RFC2: variants seen among roughly 807,000 people sequenced by gnomAD.
RFC2 encodes the protein replication factor C subunit 2.
In RFC2, 34 loss-of-function variants were observed where a neutral mutation model predicts 44.8. The observed-to-expected ratio is 0.76, with a 90% confidence interval of 0.58 to 1.01. The LOEUF is 1.01. Ranked by LOEUF, RFC2 falls within the 50% of genes least tolerant of loss-of-function variation. The pLI, the probability that RFC2 is intolerant of heterozygous loss-of-function variation, is 0.00. For missense variants in RFC2, 400 were observed against 453.6 expected (o/e 0.88, Z 1.07); for synonymous variants, 177 against 168.9 (o/e 1.05, Z -0.37).
intron 5 of RFC2, among the ~76,000 whole-genome samples, chr7:74,243,563 C>A (rs911862200): frequency 3.3e-5 from 5 of 151,872 alleles, no homozygotes; most frequent in Non-Finnish European, 7.4e-5. Flanking sequence ...GGAGAACAAT[C>A]ATGACACCAG....
Position 74,235,616 on chromosome 7 carries a change from G to T in RFC2, c.870C>A (p.Tyr290Ter). ...TGTTGCCAATGATATCTTCTGGTGAGTAGCCCAGATGCCACAAGTGAGCAA... is the reference window on the plus strand; with the variant it reads ...TGTTGCCAATGATATCTTCTGGTGATTAGCCCAGATGCCACAAGTGAGCAA... ...KILAHLWHLG[Y>*]SPEDIIGNIF... Residue 290 changes from tyrosine to a stop codon, truncating the protein, a stop_gained, in exon 10 of 11, where the codon TAC (tyrosine) becomes TAA (stop). Transcript: ENST00000055077. LOFTEE classifies it high-confidence loss of function. The T allele has an allele frequency of 6.2e-7, 1 of 1,613,264 alleles. No individual in the cohort carries two copies. The highest frequency in any genetic ancestry group is 8.5e-7 in the Non-Finnish European group (1 of 1,179,186).
intron 3 of RFC2, 153 bp from the exon 4 acceptor site, chr7:74,249,271 T>C (rs982628443): frequency 2.1e-6 from 3 of 1,408,680 alleles, no homozygotes; most frequent in East Asian, 5.1e-5. Context: ...CCGGAGACAG[T>C]GGCTCACACC....
rs202063031 is a variant in RFC2, at chr7:74,238,182, A to C, written c.760-740T>G. ...CCTAAGTGGCCTCGAAAATGCATTC[A>C]CTGCCCAGATCTACCCAGATGCTTC... On this transcript the variant is annotated intron_variant, in intron 8 of 10. Coordinates refer to ENST00000055077, the MANE Select transcript of RFC2 (RefSeq NM_181471.3). This position sits in a 1 kb window ranked among gnomAD's most constrained non-coding sequence, Gnocchi z 4.0. Among the ~76,000 whole-genome samples, 5 of 151,884 alleles carry C rather than the reference A, an allele frequency of 3.3e-5. No homozygotes were observed. Among genetic ancestry groups the C allele is most frequent in the African/African-American group, 1.2e-4 (5 of 41,354 alleles).
Position 74,235,529 on chromosome 7 carries a change from G to A in RFC2, c.954+3C>T, listed in dbSNP as rs369383698. ...ACAGAGGCATTTCTACATTCTCACC[G>A]ACCTTGATAAACTCCAGTTTCAGGT... On this transcript the variant is annotated splice_donor_region_variant and intron_variant, in intron 10 of 10. Coordinates refer to ENST00000055077, the MANE Select transcript of RFC2 (RefSeq NM_181471.3). 50 of 1,558,796 alleles carry A rather than the reference G, an allele frequency of 3.2e-5. No homozygotes were observed. The African/African-American group carries it at 4.9e-4, about 15-fold the overall frequency.
chr7:74,232,096 A>G lies in RFC2; in HGVS notation c.*10T>C. ...AGGGCACCTGTAAGTCAGTCAGTGA[A>G]GTCTCTGCTCTAACTGGCCACCGGG... On this transcript the variant is annotated 3_prime_UTR_variant, in exon 11 of 11. Coordinates refer to ENST00000055077, the MANE Select transcript of RFC2 (RefSeq NM_181471.3). The G allele has an allele frequency of 1.3e-6, 2 of 1,528,286 alleles. No individual in the cohort carries two copies. The highest frequency in any genetic ancestry group is 1.7e-4 in the Middle Eastern group (1 of 5,884). 94.7% of individuals were successfully genotyped at this position (1,528,286 alleles called of 1,614,324 possible). A position where few individuals can be genotyped will look rare whatever the true frequency, so the allele number is the denominator to read the frequency against.
rs377219186 is a variant in RFC2, at chr7:74,240,107, C to T, written c.536-12G>A. The T allele has an allele frequency of 6.7e-5, 108 of 1,612,212 alleles. No individual in the cohort carries two copies. The highest frequency in any genetic ancestry group is 3.3e-4 in the Middle Eastern group (2 of 6,076). On this transcript the variant is annotated splice_polypyrimidine_tract_variant and intron_variant, in intron 6 of 10. Transcript: ENST00000055077. ...GGACTGAATGGGCTCTGAACAGAGA[C>T]GGGACAGTAGTGAGGCTTCCCTGCA...
intron 4 of RFC2, 106 bp from the exon 5 acceptor site, chr7:74,246,869 C>T: frequency 1.7e-6 from 1 of 580,934 alleles, no homozygotes; most frequent in African/African-American, 1.9e-5. Context: ...GCCCAATTTC[C>T]ATTTTTGAGT....
In RFC2 at chr7:74,249,035, C is replaced by T; in HGVS notation, c.309G>A (p.Leu103=). 3 of 1,613,748 alleles carry T rather than the reference C, an allele frequency of 1.9e-6. No homozygotes were observed. Among genetic ancestry groups the T allele is most frequent in the East Asian group, 2.2e-5 (1 of 44,872 alleles). ...LLGPALKDAM[L]ELNASNDRGI... is the part of the protein sequence containing the mutation. ...ACCTGTCATTTGAAGCATTGAGTTCCAACATGGCATCTTTGAGTGCTGGGC... is the reference window on the plus strand; with the variant it reads ...ACCTGTCATTTGAAGCATTGAGTTCTAACATGGCATCTTTGAGTGCTGGGC... The change falls in exon 4 of 11, where the codon TTG becomes TTA. Residue 103 remains leucine, a synonymous_variant. Coordinates refer to ENST00000055077, the MANE Select transcript of RFC2 (RefSeq NM_181471.3).
At position 74,239,881 on chromosome 7, in the gene RFC2, T is replaced by C; in HGVS notation, c.693+57A>G. 7.5e-6 allele frequency: 11 copies of C among 1,457,770 alleles called. No individual in the cohort carries two copies. In the South Asian group the frequency reaches 1.2e-4, roughly 15 times the overall value. 90.3% of individuals were successfully genotyped at this position (1,457,770 alleles called of 1,614,324 possible). ...GCTGTCACTTCCCTCCCCTTCCCCATGGAAGGGGCATGGCAGGCACAGGAT... is the reference window on the plus strand; with the variant it reads ...GCTGTCACTTCCCTCCCCTTCCCCACGGAAGGGGCATGGCAGGCACAGGAT... On this transcript the variant is annotated intron_variant, in intron 7 of 10. Coordinates refer to ENST00000055077, the MANE Select transcript of RFC2 (RefSeq NM_181471.3).
chr7:74,248,604 C>A lies in RFC2; in HGVS notation c.332+408G>T, dbSNP rs529053120. Among the ~76,000 whole-genome samples, 3 of 151,950 alleles carry A rather than the reference C, an allele frequency of 2.0e-5. No individual in the cohort carries two copies. In the East Asian group the frequency reaches 5.8e-4, roughly 29 times the overall value. On this transcript the variant is annotated intron_variant, in intron 4 of 10. Transcript: ENST00000055077. Reference sequence around the variant, plus strand: ...GTAACCTCCTTCTCCTGGGTTCAAGCAATCCTCCTGCCTCAACCTCCTGAG... The same window carrying A: ...GTAACCTCCTTCTCCTGGGTTCAAGAAATCCTCCTGCCTCAACCTCCTGAG...
At chr7:74,235,118 C>A (rs1802934359) in intron 10 of RFC2, among the ~76,000 whole-genome samples, 1 of 152,116 alleles carries the variant, frequency 6.6e-6, no homozygotes, top group Non-Finnish European at 1.5e-5. Flanking sequence ...CTCACTGCAA[C>A]CTCCACCTCC....
At chr7:74,237,739 T>C (rs1803103165) in intron 8 of RFC2, among the ~76,000 whole-genome samples, 1 of 152,198 alleles carries the variant, frequency 6.6e-6, no homozygotes, top group Non-Finnish European at 1.5e-5. Flanking sequence ...GTCATCTGTC[T>C]TAGATCACTT....
At chr7:74,242,357 T>C (rs1803378810) in intron 6 of RFC2, among the ~76,000 whole-genome samples, 1 of 152,042 alleles carries the variant, frequency 6.6e-6, no homozygotes, top group African/African-American at 2.4e-5. Flanking sequence ...CTACTCAACC[T>C]CTCCAAGCTC....
intron 10 of RFC2, 96 bp from the exon 11 acceptor site, chr7:74,232,312 C>A: frequency 1.4e-6 from 1 of 707,180 alleles, no homozygotes; most frequent in Non-Finnish European, 2.4e-6. Context: ...CAGAAACAAA[C>A]TGAACTAATG....
chr7:74,254,137 G>A, intron 1 of RFC2, 134 bp downstream of exon 1: 1 of 696,256 alleles, frequency 1.4e-6, no homozygotes. Flanking sequence ...TCATCTCGAT[G>A]CCACCCGGGG....
At chr7:74,240,120 A>T in intron 6 of RFC2, 25 bp from the exon 7 acceptor site, 1 of 1,605,808 alleles carries the variant, frequency 6.2e-7, no homozygotes. Flanking sequence ...GACAGTAGTG[A>T]GGCTTCCCTG....
chr7:74,232,184 T>C lies in RFC2; in HGVS notation c.987A>G (p.Glu329=), dbSNP rs1554717298. Residue 329 remains glutamate, a synonymous_variant, in exon 11 of 11, where the codon GAA becomes GAG. Transcript: ENST00000055077. The part of the protein sequence containing the change: ...EIGYTHMKIA[E]GVNSLLQMAG... ...CCATCTGCAAAAGAGAGTTCACTCC[T>C]TCCGCTATTTTCATGTGAGTGTATC... 6.2e-7 allele frequency: 1 copy of C among 1,612,786 alleles called. No individual in the cohort carries two copies. The highest frequency in any genetic ancestry group is 1.7e-5 in the Admixed American group (1 of 60,004).
intron 4 of RFC2, among the ~76,000 whole-genome samples, chr7:74,247,088 C>T (rs1199710357): frequency 6.8e-6 from 1 of 147,626 alleles, no homozygotes; most frequent in African/African-American, 2.5e-5. Flanking sequence ...GCCGGGATCA[C>T]GCCACTGCAC....
chr7:74,231,567 C>T lies in RFC2; in HGVS notation c.*539G>A, dbSNP rs1478997903. The T allele has an allele frequency of 1.3e-5, 2 of 153,446 alleles. No homozygotes were observed. The highest frequency in any genetic ancestry group is 2.9e-5 in the Non-Finnish European group (2 of 68,858). 9.5% of individuals were successfully genotyped at this position (153,446 alleles called of 1,614,324 possible). A position where few individuals can be genotyped will look rare whatever the true frequency, so the allele number is the denominator to read the frequency against. On this transcript the variant is annotated 3_prime_UTR_variant, in exon 11 of 11. Transcript: ENST00000055077. Reference sequence around the variant, plus strand: ...AACCCACACACAGATCAGAGACCGCCCTCAGCTTCTCTGCGCCTTTCCGCC... The same window carrying T: ...AACCCACACACAGATCAGAGACCGCTCTCAGCTTCTCTGCGCCTTTCCGCC...
Sources: allele counts gnomAD v4.1 joint callset (sites outside exome capture counted in the v4.1 genomes callset), GRCh38; gene constraint gnomAD v4.1.1; non-coding constraint Gnocchi (gnomAD v3.1); transcripts MANE v1.5; gene names NCBI Gene and HGNC (gene_info 2026-07-23, HGNC 2026-07-21).